B4GALNT2: variants seen among roughly 807,000 people sequenced by gnomAD.
B4GALNT2 encodes N-acetylneuraminylgalactosylglucosyl-glucoside beta-1,4-N- acetylgalactosaminyltransferase 2.
B4GALNT2 carries 42 observed loss-of-function variants against 51.1 expected under a neutral mutation model. The observed-to-expected ratio is 0.82, with a 90% CI of 0.64 to 1.06. B4GALNT2 has a LOEUF of 1.06. B4GALNT2 is among the 50% of genes least tolerant of loss of function. The pLI, the probability that B4GALNT2 is intolerant of heterozygous loss-of-function variation, is 0.00. For synonymous variants in B4GALNT2, 253 were observed against 251.7 expected (o/e 1.01, Z -0.05); for missense variants, 602 against 633.6 (o/e 0.95, Z 0.54).
At chr17:49,127,640 A>T (rs200232222), upstream of B4GALNT2, among the ~76,000 whole-genome samples, 76,525 of 151,660 alleles carry the variant, frequency 0.5, 19,663 homozygotes, top group Middle Eastern at 0.63. Context: ...TAAGATTTAA[A>T]AAAAAAAATT....
intron 8 of B4GALNT2, among the ~76,000 whole-genome samples, 182 bp downstream of exon 8, chr17:49,164,457 C>T (rs2042893005): frequency 6.6e-6 from 1 of 151,926 alleles, no homozygotes; most frequent in Non-Finnish European, 1.5e-5. Flanking sequence ...ATTGGTCACC[C>T]TCACTTCTCT....
At chr17:49,141,226 T>C in intron 1 of B4GALNT2, 21 bp from the exon 2 acceptor site, 1 of 1,601,354 alleles carries the variant, frequency 6.2e-7, no homozygotes, top group Non-Finnish European at 8.6e-7. Flanking sequence ...TAACATAATC[T>C]GTTCTTTTGT....
At chr17:49,135,276 T>G (rs2042579383) in intron 1 of B4GALNT2, among the ~76,000 whole-genome samples, 1 of 152,234 alleles carries the variant, frequency 6.6e-6, no homozygotes, top group Non-Finnish European at 1.5e-5. Flanking sequence ...TATTCCTGAA[T>G]TGGTAACATG....
chr17:49,147,378 CTT>C (rs749384820), intron 3 of B4GALNT2, among the ~76,000 whole-genome samples: 25 of 104,764 alleles, frequency 2.4e-4, no homozygotes, highest in East Asian at 5.6e-4. Flanking sequence ...TTCTTTCTTT[CTT>C]TTTTTTTTTT....
In B4GALNT2 at chr17:49,164,237, G is replaced by T. The variant is rs1401985459; in HGVS notation, c.916G>T (p.Asp306Tyr). Residue 306 changes from aspartate (D) to tyrosine (Y), a missense_variant, in exon 8 of 11, where the codon GAC becomes TAC. Asp to Tyr is a radical substitution (Grantham distance 160). Transcript: ENST00000393354. ...CAGCCAGAAGCCCCTGGAAATTAAA[G>T]ACAATCACGTGGAGTATTACACTAT... Reference protein sequence around the residue: ...DDSQKPLEIKDNHVEYYTMPF... With the variant: ...DDSQKPLEIKYNHVEYYTMPF... 3.1e-6 allele frequency: 5 copies of T among 1,613,604 alleles called. No individual in the cohort carries two copies. Among genetic ancestry groups the T allele is most frequent in the Non-Finnish European group, 3.4e-6 (4 of 1,179,548 alleles).
At chr17:49,126,081 T>G in the B4GALNT2 span, among the ~76,000 whole-genome samples, 10 of 152,028 alleles carry the variant, frequency 6.6e-5, no homozygotes, top group Non-Finnish European at 1.3e-4. Flanking sequence ...GGGAAAAGAT[T>G]GAGAAATCGG....
At chr17:49,166,629 G>A (rs539728321) in intron 9 of B4GALNT2, among the ~76,000 whole-genome samples, 1 of 152,258 alleles carries the variant, frequency 6.6e-6, no homozygotes, top group East Asian at 1.9e-4. Context: ...AGCTTTAAAA[G>A]CACACACGGC....
At chr17:49,121,682 G>A in the B4GALNT2 span, among the ~76,000 whole-genome samples, 2 of 152,162 alleles carry the variant, frequency 1.3e-5, no homozygotes, top group African/African-American at 2.4e-5. Context: ...CAGCCAGGGA[G>A]AAGAGGAAGT....
chr17:49,164,703 G>A (rs1424295337), intron 8 of B4GALNT2, among the ~76,000 whole-genome samples: 1 of 151,994 alleles, frequency 6.6e-6, no homozygotes, highest in African/African-American at 2.4e-5. Context: ...GGTTCACCGT[G>A]TTGGGCAGGT....
chr17:49,143,527 T>TTA (rs896795379), intron 3 of B4GALNT2, among the ~76,000 whole-genome samples: 1 of 152,200 alleles, frequency 6.6e-6, no homozygotes, highest in African/African-American at 2.4e-5. Flanking sequence ...CCCAGGTTAC[T>TTA]GCCTTAGTGC....
intron 1 of B4GALNT2, among the ~76,000 whole-genome samples, chr17:49,138,438 C>T (rs1388422094): frequency 6.6e-6 from 1 of 152,178 alleles, no homozygotes; most frequent in South Asian, 2.1e-4. Flanking sequence ...ATTATGTTTT[C>T]TGACTTGTTG....
upstream of B4GALNT2, among the ~76,000 whole-genome samples, chr17:49,128,608 T>C (rs10853105): frequency 0.51 from 77,100 of 151,940 alleles, 19,973 homozygotes; most frequent in Middle Eastern, 0.62. Flanking sequence ...AGAGAACCTC[T>C]TGGCGTTTGC....
Position 49,169,620 on chromosome 17 carries a change from G to C in B4GALNT2, c.1413G>C (p.Leu471=), listed in dbSNP as rs1001380229. The change falls in exon 11 of 11, where the codon CTG becomes CTC. Residue 471 remains leucine, a synonymous_variant. Transcript: ENST00000393354. ...QSRSPVVDSE[L]AALEKTYNTY... ...GGTCTCCAGTGGTGGACTCAGAACT[G>C]GCTGCCCTAGAGAAGACCTACAATA... 1.2e-6 allele frequency: 2 copies of C among 1,613,306 alleles called. No homozygotes were observed. The highest frequency in any genetic ancestry group is 2.7e-5 in the African/African-American group (2 of 75,020).
rs753915316 is a variant in B4GALNT2 at position 49,169,510 on chromosome 17, C to T, written c.1316-13C>T. 1.2e-6 allele frequency: 2 copies of T among 1,608,194 alleles called. No homozygotes were observed. The highest frequency in any genetic ancestry group is 2.2e-5 in the East Asian group (1 of 44,864). ...GCAGCTCCCACTTCCTTCTGCTCTC[C>T]CTCTCTTTGCAGAATTCTTCATTGA... On this transcript the variant is annotated splice_polypyrimidine_tract_variant and intron_variant, in intron 10 of 10. Coordinates refer to ENST00000393354, the MANE Select transcript of B4GALNT2 (RefSeq NM_001159387.2).
chr17:49,147,214 C>A (rs1170577813), intron 3 of B4GALNT2, among the ~76,000 whole-genome samples: 1 of 152,138 alleles, frequency 6.6e-6, no homozygotes, highest in Non-Finnish European at 1.5e-5. Context: ...TGGATGAGAT[C>A]TCTGACTCAG....
chr17:49,158,017 G>A (rs2042826587), intron 5 of B4GALNT2, among the ~76,000 whole-genome samples: 1 of 152,170 alleles, frequency 6.6e-6, no homozygotes, highest in Admixed American at 6.6e-5. Flanking sequence ...GAGTGGCTGT[G>A]GGGGTAGCAA....
chr17:49,126,012 A>T, the B4GALNT2 span, among the ~76,000 whole-genome samples: 2 of 118,720 alleles, frequency 1.7e-5, no homozygotes, highest in Non-Finnish European at 3.9e-5. Flanking sequence ...CCAGCAGCTC[A>T]TTGAGAGTGG....
Position 49,172,111 on chromosome 17 carries a change from C to T in B4GALNT2, c.*2383C>T, listed in dbSNP as rs936124956. 10 of 306,510 alleles carry T rather than the reference C, an allele frequency of 3.3e-5. No homozygotes were observed. The highest frequency in any genetic ancestry group is 5.3e-5 in the Non-Finnish European group (9 of 168,438). 19.0% of individuals were successfully genotyped at this position (306,510 alleles called of 1,614,324 possible). A position where few individuals can be genotyped will look rare whatever the true frequency, so the allele number is the denominator to read the frequency against. On this transcript the variant is annotated 3_prime_UTR_variant, in exon 11 of 11. Coordinates refer to ENST00000393354, the MANE Select transcript of B4GALNT2 (RefSeq NM_001159387.2). ...TCATTGTGACTGGTTGTCCCACTTT[C>T]CTCAGGTTTTCTTCCACCATCTGTG... is the stretch of plus-strand genomic sequence containing the variant.
chr17:49,154,238 T>C (rs2042786640), intron 4 of B4GALNT2, among the ~76,000 whole-genome samples: 2 of 151,958 alleles, frequency 1.3e-5, no homozygotes, highest in Non-Finnish European at 2.9e-5. Context: ...TGACCTCAGG[T>C]GATCCACCTG....
Sources: gnomAD v4.1 joint callset for allele counts (sites outside exome capture counted in the v4.1 genomes callset) on GRCh38, gnomAD v4.1.1 for gene constraint, MANE v1.5 for transcripts, NCBI Gene and HGNC (gene_info 2026-07-23, HGNC 2026-07-21) for gene names.